MRPL50: variants seen among roughly 807,000 people sequenced by gnomAD.
MRPL50 encodes the protein large ribosomal subunit protein mL50.
In MRPL50, 10 loss-of-function variants were observed where a neutral mutation model predicts 16.2. That is an observed-to-expected ratio of 0.62 (90% CI 0.38 to 1.05). The LOEUF (loss-of-function observed/expected upper bound fraction) is 1.05, where lower values mean the gene tolerates loss of function less well. Ranked by LOEUF, MRPL50 falls within the 50% of genes least tolerant of loss-of-function variation. The pLI is 0.01. For synonymous variants in MRPL50, 68 were observed against 66.8 expected, an observed-to-expected ratio of 1.02 and a Z score of -0.09; for missense variants, 213 against 187.1, an observed-to-expected ratio of 1.14 and a Z score of -0.81.
chr9:101,390,652 C>G lies in MRPL50; in HGVS notation c.291G>C (p.Lys97Asn). ...QDISLEDSRL[K>N]FNLLAHLADD... The stretch of plus-strand genomic sequence containing the variant: ...CAGCTAAATGAGCCAGAAGATTGAA[C>G]TTTAGACGACTATCTTCCAGGGAGA... Residue 97 changes from lysine to asparagine, a missense_variant, in exon 2 of 2, where the codon AAG (lysine) becomes AAC (asparagine). Physicochemically the swap from Lys to Asn is moderately conservative, Grantham distance 94. Coordinates refer to ENST00000374865, the MANE Select transcript of MRPL50 (RefSeq NM_019051.3). 4 of 1,602,872 alleles carry G rather than the reference C, an allele frequency of 2.5e-6. No individual in the cohort carries two copies. The highest frequency in any genetic ancestry group is 3.4e-6 in the Non-Finnish European group (4 of 1,173,256).
At chr9:101,392,370 T>C (rs186365006) in intron 1 of MRPL50, among the ~76,000 whole-genome samples, 83 of 151,992 alleles carry the variant, frequency 5.5e-4, no homozygotes, top group African/African-American at 2.0e-3. Context: ...AGTTGGTTTA[T>C]TGAAAAGTTA....
intron 1 of MRPL50, among the ~76,000 whole-genome samples, chr9:101,394,509 A>G (rs1176795187): frequency 6.6e-6 from 1 of 152,150 alleles, no homozygotes; most frequent in African/African-American, 2.4e-5. Flanking sequence ...TACCTGCCAA[A>G]TTATCTTTAA....
At chr9:101,392,933 G>A (rs1830291745) in intron 1 of MRPL50, among the ~76,000 whole-genome samples, 1 of 152,102 alleles carries the variant, frequency 6.6e-6, no homozygotes, top group African/African-American at 2.4e-5. Flanking sequence ...TATTCCTGAT[G>A]AGCACAGATG....
rs1830249039 is a variant in MRPL50 at position 101,390,051 on chromosome 9, A to T, written c.*415T>A. ...CAACATACTTTTATGTTTCTTTTAT[A>T]GGTATCTATCTAATAAAAGTTTATT... On this transcript the variant is annotated 3_prime_UTR_variant, in exon 2 of 2. Coordinates refer to ENST00000374865, the MANE Select transcript of MRPL50 (RefSeq NM_019051.3). 1.1e-6 allele frequency: 1 copy of T among 950,740 alleles called. No homozygotes were observed. Among genetic ancestry groups the T allele is most frequent in the Non-Finnish European group, 1.3e-6 (1 of 796,942 alleles). 58.9% of individuals were successfully genotyped at this position (950,740 alleles called of 1,614,324 possible).
intron 1 of MRPL50, among the ~76,000 whole-genome samples, chr9:101,397,692 G>T (rs1012981145): frequency 1.3e-5 from 2 of 152,196 alleles, no homozygotes; most frequent in African/African-American, 2.4e-5. Context: ...AAAGAAGAGG[G>T]AAAGCTAATA....
Position 101,390,594 on chromosome 9 carries a change from G to C in MRPL50, c.349C>G (p.Leu117Val), listed in dbSNP as rs773715534. Residue 117 changes from leucine to valine, a missense_variant, in exon 2 of 2, where the codon CTC becomes GTC. By Grantham distance (32) the Leu-to-Val change is conservative. Coordinates refer to ENST00000374865, the MANE Select transcript of MRPL50 (RefSeq NM_019051.3). ...TCTCTAACCCTGCACATCTGGTGGAGTCTGGAGTTAGGGACTACATGACCC... is the reference window on the plus strand; with the variant it reads ...TCTCTAACCCTGCACATCTGGTGGACTCTGGAGTTAGGGACTACATGACCC... ...DLGHVVPNSR[L>V]HQMCRVRDVL... 2 of 1,613,582 alleles carry C rather than the reference G, an allele frequency of 1.2e-6. No individual in the cohort carries two copies. Among genetic ancestry groups the C allele is most frequent in the Admixed American group, 3.3e-5 (2 of 59,942 alleles).
chr9:101,389,360 G>A lies in MRPL50; in HGVS notation c.*1106C>T, dbSNP rs756450603. 30 of 847,494 alleles carry A rather than the reference G, an allele frequency of 3.5e-5. No homozygotes were observed. The highest frequency in any genetic ancestry group is 4.8e-5 in the Non-Finnish European group (29 of 608,584). 52.5% of individuals were successfully genotyped at this position (847,494 alleles called of 1,614,324 possible). On this transcript the variant is annotated 3_prime_UTR_variant, in exon 2 of 2. Coordinates refer to ENST00000374865, the MANE Select transcript of MRPL50 (RefSeq NM_019051.3). ...CAGAGCTCCAGGCACTCTGACACCTGAAGTTCTTGAATGAAGTGCCTGTGG... is the reference window on the plus strand; with the variant it reads ...CAGAGCTCCAGGCACTCTGACACCTAAAGTTCTTGAATGAAGTGCCTGTGG...
chr9:101,398,482 G>A lies in MRPL50; in HGVS notation c.92+19C>T. On this transcript the variant is annotated intron_variant, in intron 1 of 1. Transcript: ENST00000374865. ...TAACTTTCCTTGAACATGACCCACCGTCCACCATAAAGCTTTACCTGAATC... is the reference window on the plus strand; with the variant it reads ...TAACTTTCCTTGAACATGACCCACCATCCACCATAAAGCTTTACCTGAATC... 2 of 1,603,882 alleles carry A rather than the reference G, an allele frequency of 1.2e-6. No homozygotes were observed. The highest frequency in any genetic ancestry group is 1.3e-5 in the African/African-American group (1 of 74,720).
At chr9:101,397,864 G>C (rs532556097) in intron 1 of MRPL50, among the ~76,000 whole-genome samples, 1 of 152,186 alleles carries the variant, frequency 6.6e-6, no homozygotes. Context: ...TGGTGCAGCC[G>C]TGCAGCAGAA....
rs933907006 is a variant in MRPL50 at position 101,397,619 on chromosome 9, T to G, written c.92+882A>C. ...ATATAGTAAACAGCCTAAAAAATAT[T>G]TGTTGAGTGAATGAATAAAACAAAC... On this transcript the variant is annotated intron_variant, in intron 1 of 1. Transcript: ENST00000374865. Among the ~76,000 whole-genome samples the G allele has an allele frequency of 1.4e-4, 22 of 152,148 alleles. 1 individual carries two copies. Among genetic ancestry groups the G allele is most frequent in the Admixed American group, 9.8e-4 (15 of 15,258 alleles).
intron 1 of MRPL50, among the ~76,000 whole-genome samples, chr9:101,397,447 A>G (rs1458424238): frequency 6.6e-6 from 1 of 152,184 alleles, no homozygotes; most frequent in Non-Finnish European, 1.5e-5. Context: ...TATTTCCTCT[A>G]GTTTTCTTCA....
chr9:101,387,960 C>A lies in MRPL50; in HGVS notation c.*2506G>T, dbSNP rs987798141. On this transcript the variant is annotated 3_prime_UTR_variant, in exon 2 of 2. Transcript: ENST00000374865. ...TGTATTGAACTATAAACCAGTGATGCCCTCTAGTGGTACTGATGGACGTAC... is the reference window on the plus strand; with the variant it reads ...TGTATTGAACTATAAACCAGTGATGACCTCTAGTGGTACTGATGGACGTAC... The A allele has an allele frequency of 6.6e-5, 10 of 151,956 alleles. No homozygotes were observed. The highest frequency in any genetic ancestry group is 2.2e-4 in the African/African-American group (9 of 41,360). 9.4% of individuals were successfully genotyped at this position (151,956 alleles called of 1,614,324 possible). A position where few individuals can be genotyped will look rare whatever the true frequency, so the allele number is the denominator to read the frequency against.
rs1830230017 is a variant in MRPL50, at chr9:101,388,553, G to C, written c.*1913C>G. On this transcript the variant is annotated 3_prime_UTR_variant, in exon 2 of 2. Coordinates refer to ENST00000374865, the MANE Select transcript of MRPL50 (RefSeq NM_019051.3). The stretch of plus-strand genomic sequence containing the variant: ...CCCTTTAAAATTACATCATATGTTT[G>C]ATTATCTCATTCAACAACAGCAAGC... 1 of 152,082 alleles carries C rather than the reference G, an allele frequency of 6.6e-6. No homozygotes were observed. The highest frequency in any genetic ancestry group is 1.5e-5 in the Non-Finnish European group (1 of 68,006). The allele number at this position is 152,082 out of a possible 1,614,324, so 9.4% of individuals were successfully genotyped here.
chr9:101,390,284 A>T lies in MRPL50; in HGVS notation c.*182T>A, dbSNP rs1231333249. ...GGTTTCAGCAAATATGAAAATAGAA[A>T]GTCCGTTATTTGTCCATTTGTAATA... On this transcript the variant is annotated 3_prime_UTR_variant, in exon 2 of 2. Coordinates refer to ENST00000374865, the MANE Select transcript of MRPL50 (RefSeq NM_019051.3). 1 of 1,294,492 alleles carries T rather than the reference A, an allele frequency of 7.7e-7. No homozygotes were observed. The highest frequency in any genetic ancestry group is 9.8e-7 in the Non-Finnish European group (1 of 1,022,108). The allele number at this position is 1,294,492 out of a possible 1,614,324, so 80.2% of individuals were successfully genotyped here. A position where few individuals can be genotyped will look rare whatever the true frequency, so the allele number is the denominator to read the frequency against.
intron 1 of MRPL50, among the ~76,000 whole-genome samples, chr9:101,391,538 T>C (rs1389862146): frequency 1.3e-5 from 2 of 152,100 alleles, no homozygotes; most frequent in Non-Finnish European, 2.9e-5. Context: ...GGAGTAGCTA[T>C]ACTTATATCA....
rs374361784 is a variant in MRPL50 at position 101,390,688 on chromosome 9, A to G, written c.255T>C (p.Asn85=). 6.3e-7 allele frequency: 1 copy of G among 1,589,498 alleles called. No homozygotes were observed. The highest frequency in any genetic ancestry group is 1.7e-5 in the Admixed American group (1 of 59,068). ...TATCTTCCAGGGAGATGTCTTGCCA[A>G]TTACTAGGAAGAGATGAACCAAAAA... The part of the protein sequence containing the change: ...KEVFGSSLPS[N]WQDISLEDSR... Residue 85 remains asparagine, a synonymous_variant, in exon 2 of 2, where the codon AAT becomes AAC. Coordinates refer to ENST00000374865, the MANE Select transcript of MRPL50 (RefSeq NM_019051.3).
At position 101,390,518 on chromosome 9, in the gene MRPL50, T is replaced by C. The variant is rs1830256235; in HGVS notation, c.425A>G (p.Glu142Gly). The C allele has an allele frequency of 3.7e-6, 6 of 1,612,856 alleles. No homozygotes were observed. Among genetic ancestry groups the C allele is most frequent in the African/African-American group, 1.3e-5 (1 of 74,844 alleles). The change falls in exon 2 of 2, where the codon GAA becomes GGA. Residue 142 changes from glutamate to glycine, a missense_variant. Glu to Gly is a moderately conservative substitution (Grantham distance 98). Coordinates refer to ENST00000374865, the MANE Select transcript of MRPL50 (RefSeq NM_019051.3). ...GGGGGGCAGATTACTGGCACTGAGT[T>C]CATCAAATTTAGATCTATCTTGAAT... is the stretch of plus-strand genomic sequence containing the variant. The part of the protein sequence containing the change: ...VPIQDRSKFD[E>G]LSASNLPPNL...
intron 1 of MRPL50, among the ~76,000 whole-genome samples, chr9:101,396,704 G>A (rs1334560511): frequency 2.6e-5 from 4 of 152,170 alleles, no homozygotes; most frequent in Admixed American, 6.5e-5. Context: ...AGCACTTTGG[G>A]AGGCTGAGGT....
intron 1 of MRPL50, among the ~76,000 whole-genome samples, chr9:101,393,651 A>G (rs1830301999): frequency 6.6e-6 from 1 of 152,092 alleles, no homozygotes; most frequent in Admixed American, 6.6e-5. Context: ...CCAATAGTAA[A>G]CAATCTGAAA....
Sources: allele counts gnomAD v4.1 joint callset (sites outside exome capture counted in the v4.1 genomes callset), GRCh38; gene constraint gnomAD v4.1.1; transcripts MANE v1.5; gene names NCBI Gene and HGNC (gene_info 2026-07-23, HGNC 2026-07-21).